REC114: variants seen among roughly 807,000 people sequenced by gnomAD.
REC114 encodes meiotic recombination protein REC114.
REC114 carries 27 observed loss-of-function variants against 31.3 expected under a neutral mutation model. The observed-to-expected ratio is 0.86, with a 90% CI of 0.64 to 1.19. REC114 has a LOEUF of 1.19. Among genes scored for constraint, REC114 ranks in the 50% most tolerant of loss-of-function variants. The pLI is 0.00. For missense variants in REC114, 344 were observed against 326.9 expected, an observed-to-expected ratio of 1.05 and a Z score of -0.40; for synonymous variants, 134 against 127.7, an observed-to-expected ratio of 1.05 and a Z score of -0.33.
chr15:73,499,271 A>G (rs1236393995), intron 2 of REC114, among the ~76,000 whole-genome samples: 1 of 151,902 alleles, frequency 6.6e-6, no homozygotes, highest in Non-Finnish European at 1.5e-5. Context: ...TTGACCTGAA[A>G]CCAGTTATGA....
chr15:73,550,854 C>A, intron 3 of REC114, 84 bp from the exon 4 acceptor site: 1 of 1,315,708 alleles, frequency 7.6e-7, no homozygotes, highest in Non-Finnish European at 1.1e-6. Context: ...CTCCGCCAAG[C>A]AAAGGAAACA....
At chr15:73,490,191 G>A (rs1253159766) in intron 2 of REC114, among the ~76,000 whole-genome samples, 7 of 152,190 alleles carry the variant, frequency 4.6e-5, no homozygotes, top group Admixed American at 4.6e-4. Flanking sequence ...AGTTGTCAGT[G>A]CTCAGATGTC....
chr15:73,478,566 T>A (rs1893248674), intron 2 of REC114, among the ~76,000 whole-genome samples: 1 of 152,174 alleles, frequency 6.6e-6, no homozygotes, highest in Admixed American at 6.6e-5. Flanking sequence ...CTATTATAGG[T>A]CATTTGCATT....
intron 2 of REC114, among the ~76,000 whole-genome samples, chr15:73,517,527 A>G (rs180868594): frequency 6.4e-4 from 97 of 152,220 alleles, no homozygotes; most frequent in East Asian, 5.8e-4. Context: ...TGAGGGGGGG[A>G]AAGAGAAGTG....
chr15:73,514,048 C>A (rs1269052072), intron 2 of REC114, among the ~76,000 whole-genome samples: 1 of 152,168 alleles, frequency 6.6e-6, no homozygotes, highest in Non-Finnish European at 1.5e-5. Context: ...CCCAGCCTCG[C>A]TGCTGCCTTG....
intron 2 of REC114, among the ~76,000 whole-genome samples, chr15:73,489,055 G>A (rs1324700574): frequency 6.6e-6 from 1 of 152,172 alleles, no homozygotes; most frequent in Non-Finnish European, 1.5e-5. Flanking sequence ...CAAGGCACCA[G>A]CAGGATTGGT....
At chr15:73,482,295 GATA>G (rs1893305825) in intron 2 of REC114, among the ~76,000 whole-genome samples, 1 of 152,174 alleles carries the variant, frequency 6.6e-6, no homozygotes, top group Non-Finnish European at 1.5e-5. Flanking sequence ...CTGTCCTCAC[GATA>G]ATAAGTGAGT....
intron 2 of REC114, among the ~76,000 whole-genome samples, chr15:73,503,204 A>G (rs960718832): frequency 3.3e-5 from 5 of 152,226 alleles, no homozygotes; most frequent in Admixed American, 3.3e-4. Context: ...TCACACAAAA[A>G]TTGGTTCACA....
intron 1 of REC114, among the ~76,000 whole-genome samples, chr15:73,460,408 C>G (rs915326518): frequency 2.6e-4 from 39 of 152,282 alleles, no homozygotes; most frequent in Middle Eastern, 3.4e-3. Flanking sequence ...TAAAGCATCT[C>G]TACTTAAAGA....
intron 2 of REC114, among the ~76,000 whole-genome samples, chr15:73,505,768 G>A (rs889347955): frequency 2.0e-5 from 3 of 152,102 alleles, no homozygotes; most frequent in Non-Finnish European, 2.9e-5. Context: ...TCCTGACCTC[G>A]TGATCCGCCT....
chr15:73,524,583 A>G (rs1273678203), intron 2 of REC114, among the ~76,000 whole-genome samples: 1 of 152,146 alleles, frequency 6.6e-6, no homozygotes, highest in African/African-American at 2.4e-5. Flanking sequence ...GCAGACAAGA[A>G]CGGAGGTTTC....
chr15:73,492,441 G>A (rs1893459484), intron 2 of REC114, among the ~76,000 whole-genome samples: 1 of 152,106 alleles, frequency 6.6e-6, no homozygotes, highest in Non-Finnish European at 1.5e-5. Flanking sequence ...TAGTGCTTCT[G>A]TGAACACTCT....
At chr15:73,481,059 C>T (rs1026202075) in intron 2 of REC114, among the ~76,000 whole-genome samples, 3 of 152,048 alleles carry the variant, frequency 2.0e-5, no homozygotes, top group African/African-American at 7.3e-5. Context: ...CAATCACTGG[C>T]GTGAATCTAA....
intron 1 of REC114, among the ~76,000 whole-genome samples, chr15:73,445,648 G>A (rs1393653663): frequency 6.6e-6 from 1 of 152,110 alleles, no homozygotes; most frequent in African/African-American, 2.4e-5. Context: ...TTAGTTGGCT[G>A]GATTTCAATA....
chr15:73,465,436 T>C (rs1479294474), intron 1 of REC114, among the ~76,000 whole-genome samples: 1 of 152,242 alleles, frequency 6.6e-6, no homozygotes, highest in African/African-American at 2.4e-5. Context: ...TTAACTTTCA[T>C]ACCTTTGGTC....
intron 2 of REC114, among the ~76,000 whole-genome samples, chr15:73,523,454 G>T (rs554554700): frequency 6.6e-6 from 1 of 152,172 alleles, no homozygotes; most frequent in African/African-American, 2.4e-5. Flanking sequence ...AAGTCTGGCC[G>T]CTGGGACTGG....
chr15:73,533,480 G>C (rs1047119918), intron 2 of REC114, among the ~76,000 whole-genome samples: 1 of 144,826 alleles, frequency 6.9e-6, no homozygotes, highest in African/African-American at 2.7e-5. Flanking sequence ...TCAACAAGAA[G>C]AGCTAACTAT....
chr15:73,518,967 CA>C (rs1475530200), intron 2 of REC114, among the ~76,000 whole-genome samples: 1 of 152,146 alleles, frequency 6.6e-6, no homozygotes, highest in African/African-American at 2.4e-5. Context: ...GAGGCCAAAA[CA>C]AGCCCATGAA....
intron 2 of REC114, among the ~76,000 whole-genome samples, chr15:73,488,784 A>G (rs1416816463): frequency 6.6e-6 from 1 of 152,128 alleles, no homozygotes; most frequent in Non-Finnish European, 1.5e-5. Context: ...CTAAGCCCTC[A>G]CCTGAATCAT....
Sources: gnomAD v4.1 joint callset for allele counts (sites outside exome capture counted in the v4.1 genomes callset) on GRCh38, gnomAD v4.1.1 for gene constraint, MANE v1.5 for transcripts, NCBI Gene and HGNC (gene_info 2026-07-23, HGNC 2026-07-21) for gene names.